The following HPS5 variants were observed in gnomAD, a reference collection of about 807,000 sequenced individuals.
HPS5 encodes BLOC-2 complex member HPS5.
Under a neutral mutation model 128.0 loss-of-function variants are expected in HPS5, and 83 were observed. The ratio of observed to expected loss-of-function variants is 0.65; its 90% CI spans 0.54 to 0.78. The LOEUF is 0.78. Among genes scored for constraint, HPS5 ranks in the 30% least tolerant of loss-of-function variants. The pLI, the probability that HPS5 is intolerant of heterozygous loss-of-function variation, is 0.00. For missense variants in HPS5, 1,281 were observed against 1,326.2 expected, an observed-to-expected ratio of 0.97 and a Z score of 0.53; for synonymous variants, 475 against 470.2, an observed-to-expected ratio of 1.01 and a Z score of -0.13.
At position 18,292,939 on chromosome 11, in the gene HPS5, C is replaced by T. The variant is rs760920037; in HGVS notation, c.1822G>A (p.Asp608Asn). 1.2e-6 allele frequency: 2 copies of T among 1,614,122 alleles called. No homozygotes were observed. Among genetic ancestry groups the T allele is most frequent in the Non-Finnish European group, 1.7e-6 (2 of 1,179,978 alleles). ...KEVTSPPPEE[D>N]RFQELKVATA... Reference sequence around the variant, plus strand: ...GCTACTTTAAGCTCCTGGAACCTGTCTTCTTCTGGAGGTGGACTAGTTACC... The same window carrying T: ...GCTACTTTAAGCTCCTGGAACCTGTTTTCTTCTGGAGGTGGACTAGTTACC... Residue 608 changes from aspartate to asparagine, a missense_variant, in exon 15 of 23, where the codon GAC (aspartate) becomes AAC (asparagine). Physicochemically the swap from Asp to Asn is conservative, Grantham distance 23 (BLOSUM62 1). Transcript: ENST00000349215.
chr11:18,295,881 T>G, intron 13 of HPS5, 118 bp downstream of exon 13: 2 of 1,105,886 alleles, frequency 1.8e-6, no homozygotes, highest in Non-Finnish European at 2.7e-6. Flanking sequence ...ATATGACAAG[T>G]TATATGGAAA....
intron 9 of HPS5, 31 bp from the exon 10 acceptor site, chr11:18,299,001 A>G (rs1380617262): frequency 6.3e-7 from 1 of 1,599,858 alleles, no homozygotes; most frequent in East Asian, 2.2e-5. Flanking sequence ...AACATACAAA[A>G]TGTTAACCAA....
Position 18,312,184 on chromosome 11 carries a change from A to G in HPS5, c.109-160T>C, listed in dbSNP as rs866442983. Among the ~76,000 whole-genome samples the G allele has an allele frequency of 2.4e-4, 37 of 152,244 alleles. 1 individual carries two copies. The highest frequency in any genetic ancestry group is 6.2e-4 in the South Asian group (3 of 4,834). ...ATGACACTTATTCTCTAGTTCTAGA[A>G]TAGTAAAAAATACTGAAGAAAGAAC... is the stretch of plus-strand genomic sequence containing the variant. On this transcript the variant is annotated intron_variant, in intron 2 of 22. Coordinates refer to ENST00000349215, the MANE Select transcript of HPS5 (RefSeq NM_181507.2).
Position 18,320,530 on chromosome 11 carries a change from C to T in HPS5, c.-50+1416G>A, listed in dbSNP as rs181242863. ...ATCACTTAGAGCTCTACCATTATTC[C>T]TAATTGTATGTAGCTTCTACAGCTG... On this transcript the variant is annotated intron_variant, in intron 1 of 22. Transcript: ENST00000349215. Among the ~76,000 whole-genome samples, 36 of 152,298 alleles carry T rather than the reference C, an allele frequency of 2.4e-4. No homozygotes were observed. In the East Asian group the frequency reaches 4.2e-3, roughly 18 times the overall value.
chr11:18,284,783 C>G (rs1401675959), intron 20 of HPS5, among the ~76,000 whole-genome samples: 1 of 152,132 alleles, frequency 6.6e-6, no homozygotes, highest in Non-Finnish European at 1.5e-5. Flanking sequence ...GAGCCATAAG[C>G]CAGTATCACC....
rs190883305 is a variant in HPS5 at position 18,296,833 on chromosome 11, A to T, written c.1475T>A (p.Leu492Gln). 2.2e-5 allele frequency: 35 copies of T among 1,614,208 alleles called. No homozygotes were observed. The East Asian group carries it at 7.4e-4, about 34-fold the overall frequency. Reference sequence around the variant, plus strand: ...GTGTGAGCCACAACACTGATCTGGCAGGTCCTCTTCCTGCTGTGAGGTGAA... The same window carrying T: ...GTGTGAGCCACAACACTGATCTGGCTGGTCCTCTTCCTGCTGTGAGGTGAA... ...KEFTSQQEED[L>Q]PDQCCGSHGN... The change falls in exon 12 of 23, where the codon CTG becomes CAG. Residue 492 changes from leucine (L) to glutamine (Q), a missense_variant. Physicochemically the swap from Leu to Gln is moderately radical, Grantham distance 113. Coordinates refer to ENST00000349215, the MANE Select transcript of HPS5 (RefSeq NM_181507.2).
At chr11:18,300,614 T>C (rs1484945633) in intron 9 of HPS5, among the ~76,000 whole-genome samples, 1 of 150,302 alleles carries the variant, frequency 6.7e-6, no homozygotes, top group African/African-American at 2.5e-5. Flanking sequence ...GGAGAATCAC[T>C]TGAACCCAGG....
intron 14 of HPS5, 23 bp downstream of exon 14, chr11:18,294,997 G>C (rs376136953): frequency 6.2e-7 from 1 of 1,613,580 alleles, no homozygotes; most frequent in Admixed American, 1.7e-5. Context: ...AGAATGTATA[G>C]AGATTTATGT....
intron 16 of HPS5, among the ~76,000 whole-genome samples, chr11:18,291,235 A>G (rs1228959983): frequency 6.6e-6 from 1 of 152,196 alleles, no homozygotes; most frequent in East Asian, 1.9e-4. Context: ...ATAAAAATTT[A>G]AAAACTAATT....
chr11:18,291,546 T>C lies in HPS5; in HGVS notation c.2336A>G (p.Lys779Arg). 10 of 1,611,272 alleles carry C rather than the reference T, an allele frequency of 6.2e-6. No individual in the cohort carries two copies. The highest frequency in any genetic ancestry group is 7.6e-6 in the Non-Finnish European group (9 of 1,178,082). The change falls in exon 16 of 23, where the codon AAG becomes AGG. Residue 779 changes from lysine (K) to arginine (R), a missense_variant. By Grantham distance (26) the Lys-to-Arg change is conservative. Coordinates refer to ENST00000349215, the MANE Select transcript of HPS5 (RefSeq NM_181507.2). ...SPEILACQFL[K>R]KYFFLLNLKR... ...CAAGTTCAGGAGAAAAAAGTACTTC[T>C]TCAGGAACTGGCAAGCCAGAATTTC...
In HPS5 at chr11:18,291,583, G is replaced by A. The variant is rs1488522288; in HGVS notation, c.2299C>T (p.Gln767Ter). ...TSGHVDHTLQQYSPEILACQF... is the reference protein window; with the variant it reads ...TSGHVDHTLQ ...CAAGCCAGAATTTCAGGAGAGTACT[G>A]TTGCAAAGTGTGGTCCACATGTCCA... Residue 767 changes from glutamine to a stop codon, truncating the protein, a stop_gained, in exon 16 of 23, where the codon CAG becomes TAG. Coordinates refer to ENST00000349215, the MANE Select transcript of HPS5 (RefSeq NM_181507.2). LOFTEE classifies it high-confidence loss of function. The A allele has an allele frequency of 6.2e-7, 1 of 1,613,488 alleles. No individual in the cohort carries two copies. The highest frequency in any genetic ancestry group is 1.7e-5 in the Admixed American group (1 of 59,994).
At chr11:18,315,474 G>A (rs966495147) in intron 2 of HPS5, among the ~76,000 whole-genome samples, 3 of 152,094 alleles carry the variant, frequency 2.0e-5, no homozygotes, top group African/African-American at 4.8e-5. Flanking sequence ...TTAGCCGGGC[G>A]TGGTGGCAGG....
intron 17 of HPS5, 100 bp downstream of exon 17, chr11:18,287,793 G>A (rs1859919906): frequency 6.3e-7 from 1 of 1,583,584 alleles, no homozygotes; most frequent in South Asian, 1.1e-5. Flanking sequence ...TATACTAACA[G>A]AAGCTGCCTC....
At chr11:18,286,874 C>A in intron 18 of HPS5, 164 bp from the exon 19 acceptor site, 6 of 756,470 alleles carry the variant, frequency 7.9e-6, no homozygotes, top group South Asian at 6.2e-5. Flanking sequence ...TGACCAAGCT[C>A]CAAGATAACA....
intron 8 of HPS5, among the ~76,000 whole-genome samples, chr11:18,303,948 C>T (rs1862049012): frequency 6.6e-6 from 1 of 151,538 alleles, no homozygotes; most frequent in Non-Finnish European, 1.5e-5. Flanking sequence ...TATCATGTGC[C>T]AGGCATTAGG....
Position 18,310,928 on chromosome 11 carries a change from C to T in HPS5, c.290G>A (p.Gly97Asp), listed in dbSNP as rs752982072. The change falls in exon 5 of 23, where the codon GGT becomes GAT. Residue 97 changes from glycine (G) to aspartate (D), a missense_variant. Physicochemically the swap from Gly to Asp is moderately conservative, Grantham distance 94. Coordinates refer to ENST00000349215, the MANE Select transcript of HPS5 (RefSeq NM_181507.2). ...ATTTAATTCCCAAACAACCACAAGA[C>T]CTTGACTGCAAGAATTGAGTCACAG... Reference protein sequence around the residue: ...DDYVAVATSQGLVVVWELNQE... With the variant: ...DDYVAVATSQDLVVVWELNQE... 6.2e-7 allele frequency: 1 copy of T among 1,613,998 alleles called. No homozygotes were observed. The highest frequency in any genetic ancestry group is 8.5e-7 in the Non-Finnish European group (1 of 1,179,906).
chr11:18,310,030 T>C (rs1170257160), intron 5 of HPS5, among the ~76,000 whole-genome samples: 1 of 152,114 alleles, frequency 6.6e-6, no homozygotes, highest in Non-Finnish European at 1.5e-5. Flanking sequence ...ATTTAGCCAA[T>C]AGTAGTTAGA....
chr11:18,286,533 T>C (rs1859747610), intron 19 of HPS5, 58 bp downstream of exon 19: 1 of 1,522,086 alleles, frequency 6.6e-7, no homozygotes. Flanking sequence ...CAGAGTGAGA[T>C]CCTGTCTCAA....
Position 18,279,705 on chromosome 11 carries a change from G to A in HPS5, c.*177C>T. The A allele has an allele frequency of 3.1e-6, 2 of 651,766 alleles. No homozygotes were observed. The highest frequency in any genetic ancestry group is 5.5e-5 in the East Asian group (2 of 36,252). The allele number at this position is 651,766 out of a possible 1,614,324, so 40.4% of individuals were successfully genotyped here. A position where few individuals can be genotyped will look rare whatever the true frequency, so the allele number is the denominator to read the frequency against. On this transcript the variant is annotated 3_prime_UTR_variant, in exon 23 of 23. Transcript: ENST00000349215. The stretch of plus-strand genomic sequence containing the variant: ...TTTGGTTAAGAAACACTGAGGTCAT[G>A]GATAAAGAGTCACAGATGCCGATGC...
Sources: gnomAD v4.1 joint callset for allele counts (sites outside exome capture counted in the v4.1 genomes callset) on GRCh38, gnomAD v4.1.1 for gene constraint, MANE v1.5 for transcripts, NCBI Gene and HGNC (gene_info 2026-07-23, HGNC 2026-07-21) for gene names.